Variants in SLC23A2 observed in about 807,000 individuals in gnomAD.
SLC23A2 encodes Na(+)/L-ascorbic acid transporter 2.
Under a neutral mutation model 73.3 loss-of-function variants are expected in SLC23A2, and 36 were observed. That is an observed-to-expected ratio of 0.49 (90% CI 0.38 to 0.65). The LOEUF is 0.65. SLC23A2 is among the 30% of genes least tolerant of loss of function. The pLI is 0.00. For missense variants in SLC23A2, 507 were observed against 841.6 expected, an observed-to-expected ratio of 0.60 and a Z score of 4.92; for synonymous variants, 343 against 327.3, an observed-to-expected ratio of 1.05 and a Z score of -0.52.
At chr20:4,913,034 C>T (rs543346270) in intron 3 of SLC23A2, 56 bp from the exon 4 acceptor site, 2 of 1,159,408 alleles carry the variant, frequency 1.7e-6, no homozygotes, top group African/African-American at 1.5e-5. Flanking sequence ...TTTCCTCCCC[C>T]CGAAAGCCAT....
intron 2 of SLC23A2, among the ~76,000 whole-genome samples, chr20:4,966,221 A>G (rs2087472531): frequency 1.3e-5 from 2 of 152,170 alleles, no homozygotes; most frequent in Non-Finnish European, 2.9e-5. Flanking sequence ...CAGAAAATCT[A>G]AATTTGAAAG....
Position 4,856,842 on chromosome 20 carries a change from G to A in SLC23A2, c.*130C>T, listed in dbSNP as rs1440928824. 1.4e-5 allele frequency: 9 copies of A among 655,012 alleles called. No individual in the cohort carries two copies. Among genetic ancestry groups the A allele is most frequent in the African/African-American group, 7.2e-5 (4 of 55,404 alleles). The allele number at this position is 655,012 out of a possible 1,614,324, so 40.6% of individuals were successfully genotyped here. A position where few individuals can be genotyped will look rare whatever the true frequency, so the allele number is the denominator to read the frequency against. On this transcript the variant is annotated 3_prime_UTR_variant, in exon 17 of 17. Coordinates refer to ENST00000338244, the MANE Select transcript of SLC23A2 (RefSeq NM_005116.6). The surrounding 1 kb of genome is among the most constrained non-coding windows in gnomAD (Gnocchi z 4.6). ...CACCCTCACAGCAGAAAAGTGATTC[G>A]CAGTCTGTCTTAGCTCTGGGGCGCA...
intron 6 of SLC23A2, among the ~76,000 whole-genome samples, chr20:4,894,997 GGT>G (rs755415375): frequency 2.9e-4 from 44 of 152,318 alleles, no homozygotes; most frequent in Middle Eastern, 3.4e-3. Flanking sequence ...CACAGGCCAT[GGT>G]TTGTCCTCAG....
chr20:4,940,237 C>G (rs1028250276), intron 2 of SLC23A2, among the ~76,000 whole-genome samples: 5 of 151,990 alleles, frequency 3.3e-5, no homozygotes, highest in African/African-American at 1.2e-4. Context: ...ATCACTTGAG[C>G]CTGGGAGGTA....
At chr20:4,986,649 T>TACACACACACACAC (rs55738084) in intron 1 of SLC23A2, among the ~76,000 whole-genome samples, 7 of 129,772 alleles carry the variant, frequency 5.4e-5, no homozygotes, top group Non-Finnish European at 8.1e-5. Context: ...CATACACACA[T>TACACACACACACAC]ACACACACAC....
intron 2 of SLC23A2, among the ~76,000 whole-genome samples, chr20:4,953,963 C>T (rs1422160486): frequency 6.6e-6 from 1 of 151,990 alleles, no homozygotes; most frequent in East Asian, 1.9e-4. Context: ...AACACTAATG[C>T]TGCCTTATTA....
At chr20:4,873,346 C>T (rs548479762) in intron 11 of SLC23A2, among the ~76,000 whole-genome samples, 76 of 152,292 alleles carry the variant, frequency 5.0e-4, no homozygotes, top group Non-Finnish European at 9.0e-4. Flanking sequence ...ATCACCTACA[C>T]GGGGCCAGCT....
chr20:4,990,872 G>A lies in SLC23A2; in HGVS notation c.-282+10534C>T, dbSNP rs1051587694. ...TGGAACAGGACTGTAATTCTACATC[G>A]GAGGCTGAGGCAAGAGAATCACCTG... On this transcript the variant is annotated intron_variant, in intron 1 of 16. Transcript: ENST00000338244. Among the ~76,000 whole-genome samples, 10 of 150,288 alleles carry A rather than the reference G, an allele frequency of 6.7e-5. No homozygotes were observed. In the South Asian group the frequency reaches 1.5e-3, roughly 22 times the overall value.
intron 6 of SLC23A2, among the ~76,000 whole-genome samples, chr20:4,894,843 T>C (rs1931459723): frequency 6.6e-6 from 1 of 152,210 alleles, no homozygotes; most frequent in East Asian, 1.9e-4. Context: ...CTGATCATTT[T>C]TATAGAATGA....
At chr20:4,888,550 A>G (rs1308253225) in intron 6 of SLC23A2, among the ~76,000 whole-genome samples, 2 of 152,198 alleles carry the variant, frequency 1.3e-5, no homozygotes, top group East Asian at 3.9e-4. Flanking sequence ...GCCTCAGGAC[A>G]GCAGGAGAAC....
chr20:4,876,269 A>G (rs768232215), intron 9 of SLC23A2, among the ~76,000 whole-genome samples: 1 of 152,178 alleles, frequency 6.6e-6, no homozygotes, highest in Non-Finnish European at 1.5e-5. Flanking sequence ...CAGGCCTGCT[A>G]GTTTTGTCAT....
Position 4,874,074 on chromosome 20 carries a change from C to T in SLC23A2, c.964G>A (p.Val322Ile). Reference protein sequence around the residue: ...KMFPIILAILVSWLLCFIFTV... With the variant: ...KMFPIILAILISWLLCFIFTV... Reference sequence around the variant, plus strand: ...AAGATGAAGCAGAGCAGCCAGGATACCAGGATGGCCAGGATGATCTGGAGT... The same window carrying T: ...AAGATGAAGCAGAGCAGCCAGGATATCAGGATGGCCAGGATGATCTGGAGT... The change falls in exon 11 of 17, where the codon GTA becomes ATA. Residue 322 changes from valine to isoleucine, a missense_variant. Coordinates refer to ENST00000338244, the MANE Select transcript of SLC23A2 (RefSeq NM_005116.6). 1 of 1,613,254 alleles carries T rather than the reference C, an allele frequency of 6.2e-7. No homozygotes were observed. Among genetic ancestry groups the T allele is most frequent in the Non-Finnish European group, 8.5e-7 (1 of 1,179,524 alleles).
chr20:4,908,812 C>T (rs1382747996), intron 4 of SLC23A2, among the ~76,000 whole-genome samples: 2 of 152,174 alleles, frequency 1.3e-5, no homozygotes, highest in South Asian at 2.1e-4. Context: ...CCTGTGATCC[C>T]AGCTACTTGG....
intron 3 of SLC23A2, among the ~76,000 whole-genome samples, chr20:4,924,104 C>A (rs1328755381): frequency 6.6e-6 from 1 of 152,180 alleles, no homozygotes; most frequent in East Asian, 1.9e-4. Flanking sequence ...CTCTGAGCCG[C>A]ATCGCCACTC....
At position 4,899,326 on chromosome 20, in the gene SLC23A2, A is replaced by G. The variant is rs1330896168; in HGVS notation, c.482+229T>C. On this transcript the variant is annotated intron_variant, in intron 6 of 16. Coordinates refer to ENST00000338244, the MANE Select transcript of SLC23A2 (RefSeq NM_005116.6). The surrounding 1 kb of genome is among the most constrained non-coding windows in gnomAD (Gnocchi z 4.9). ...GGGCAGGGGAAGGAGAGTGAGGCTG[A>G]GTTTCCAGCTTGGACAACTGGGTAG... 6.6e-6 allele frequency among the ~76,000 whole-genome samples: 1 copy of G among 151,936 alleles called. No homozygotes were observed. The highest frequency in any genetic ancestry group is 1.5e-5 in the Non-Finnish European group (1 of 67,972).
At chr20:4,861,195 G>A (rs550043149) in intron 15 of SLC23A2, among the ~76,000 whole-genome samples, 9 of 152,260 alleles carry the variant, frequency 5.9e-5, no homozygotes, top group South Asian at 2.1e-4. Flanking sequence ...AAAGCACACC[G>A]GTGGCTGCCA....
At chr20:4,896,967 C>T (rs1342332252) in intron 6 of SLC23A2, among the ~76,000 whole-genome samples, 1 of 152,164 alleles carries the variant, frequency 6.6e-6, no homozygotes, top group Non-Finnish European at 1.5e-5. Flanking sequence ...TGGGCAGAGC[C>T]CTTGGAGCCT....
At chr20:4,918,888 G>C (rs1400098720) in intron 3 of SLC23A2, among the ~76,000 whole-genome samples, 2 of 152,072 alleles carry the variant, frequency 1.3e-5, no homozygotes, top group Non-Finnish European at 2.9e-5. Flanking sequence ...TCTTTTAAAA[G>C]AAAGGTAACA....
intron 8 of SLC23A2, 120 bp downstream of exon 8, chr20:4,884,633 T>C (rs1252183695): frequency 9.5e-6 from 7 of 737,730 alleles, no homozygotes; most frequent in Non-Finnish European, 1.5e-5. Context: ...AAATAAACTA[T>C]CAGTAATTGA....
Sources: allele counts gnomAD v4.1 joint callset (sites outside exome capture counted in the v4.1 genomes callset), GRCh38; gene constraint gnomAD v4.1.1; non-coding constraint Gnocchi (gnomAD v3.1); transcripts MANE v1.5; gene names NCBI Gene and HGNC (gene_info 2026-07-23, HGNC 2026-07-21).